The following PRKG1 variants were observed in gnomAD, a reference collection of about 807,000 sequenced individuals.
The protein encoded by PRKG1 is protein kinase cGMP-dependent 1.
PRKG1 carries 35 observed loss-of-function variants against 88.1 expected under a neutral mutation model. The ratio of observed to expected loss-of-function variants is 0.40; its 90% confidence interval spans 0.30 to 0.53. The LOEUF (loss-of-function observed/expected upper bound fraction) is 0.53. Among genes scored for constraint, PRKG1 ranks in the 20% least tolerant of loss-of-function variants. PRKG1 has a pLI of 0.59. For missense variants in PRKG1, 540 were observed against 839.8 expected, an observed-to-expected ratio of 0.64 and a Z score of 4.41; for synonymous variants, 303 against 292.5, an observed-to-expected ratio of 1.04 and a Z score of -0.37.
chr10:52,227,487 T>TA (rs1840416557), intron 9 of PRKG1, among the ~76,000 whole-genome samples: 1 of 152,150 alleles, frequency 6.6e-6, no homozygotes, highest in Non-Finnish European at 1.5e-5. Context: ...ATTTACATTG[T>TA]ATCTGTTATT....
At chr10:51,974,876 A>G (rs1209854330) in intron 5 of PRKG1, among the ~76,000 whole-genome samples, 1 of 152,124 alleles carries the variant, frequency 6.6e-6, no homozygotes, top group African/African-American at 2.4e-5. Context: ...AAAAGTCAGT[A>G]CAGTAGCTTA....
At chr10:51,388,715 G>A (rs1444398) in intron 2 of PRKG1, among the ~76,000 whole-genome samples, 85,899 of 152,004 alleles carry the variant, frequency 0.57, 25,144 homozygotes, top group Middle Eastern at 0.68. Flanking sequence ...AAAACAAATT[G>A]TCTAGGAAAG....
intron 2 of PRKG1, among the ~76,000 whole-genome samples, chr10:51,155,706 G>C (rs1426879657): frequency 6.6e-6 from 1 of 151,902 alleles, no homozygotes; most frequent in Admixed American, 6.6e-5. Context: ...TACAGGGTAA[G>C]GCCCATTGAT....
intron 4 of PRKG1, among the ~76,000 whole-genome samples, chr10:51,895,528 T>C (rs1841822564): frequency 6.6e-6 from 1 of 152,100 alleles, no homozygotes; most frequent in Admixed American, 6.6e-5. Flanking sequence ...TTTCTGTGTG[T>C]TTGGAGTGGA....
intron 12 of PRKG1, among the ~76,000 whole-genome samples, chr10:52,272,748 G>A (rs1267508550): frequency 6.6e-6 from 1 of 151,440 alleles, no homozygotes; most frequent in Non-Finnish European, 1.5e-5. Context: ...CCTTAGTTTT[G>A]CATGAATGTT....
At chr10:51,350,858 T>C (rs935580662) in intron 2 of PRKG1, among the ~76,000 whole-genome samples, 4 of 152,112 alleles carry the variant, frequency 2.6e-5, no homozygotes, top group African/African-American at 9.7e-5. Context: ...GGTGGTTTGG[T>C]GCACCCATCA....
At chr10:51,783,994 C>T (rs1367075539) in intron 3 of PRKG1, among the ~76,000 whole-genome samples, 1 of 152,080 alleles carries the variant, frequency 6.6e-6, no homozygotes, top group Non-Finnish European at 1.5e-5. Flanking sequence ...TGCCCTCTTG[C>T]CATCTTGGTT....
rs752412264 is a variant in PRKG1 at position 51,578,980 on chromosome 10, G to GTTTTTTTTTTT, written c.592+111162_592+111172dup. ...GAAGAGTTTGGAATAAGTTCTGTTGGTTTTTTTTTTTTTTTTTTTTTTTTT... is the reference window on the plus strand; with the variant it reads ...GAAGAGTTTGGAATAAGTTCTGTTGGTTTTTTTTTTTTTTTTTTTTTTTTTTTTTTTTTTTT... On this transcript the variant is annotated intron_variant, in intron 3 of 17. Transcript: ENST00000373980. 1.3e-4 allele frequency among the ~76,000 whole-genome samples: 10 copies of GTTTTTTTTTTT among 77,832 alleles called. 1 individual carries two copies. Among genetic ancestry groups the GTTTTTTTTTTT allele is most frequent in the South Asian group, 5.1e-4 (1 of 1,974 alleles). The allele number at this position is 77,832 out of a possible 152,430, so 51.1% of individuals were successfully genotyped here. A position where few individuals can be genotyped will look rare whatever the true frequency, so the allele number is the denominator to read the frequency against.
chr10:51,728,088 C>A (rs957130653), intron 3 of PRKG1, among the ~76,000 whole-genome samples: 5 of 152,052 alleles, frequency 3.3e-5, no homozygotes, highest in Non-Finnish European at 5.9e-5. Context: ...AAAGGTCATG[C>A]GCACAGAAGA....
rs1841183172 is a variant in PRKG1, at chr10:51,693,008, CA to C, written c.593-111576del. 2.0e-5 allele frequency among the ~76,000 whole-genome samples: 3 copies of C among 151,816 alleles called. No homozygotes were observed. In the South Asian group the frequency reaches 6.2e-4, roughly 31 times the overall value. On this transcript the variant is annotated intron_variant, in intron 3 of 17. Transcript: ENST00000373980. The stretch of plus-strand genomic sequence containing the variant: ...GTTATAAAGGGTTGTTATTAAATGC[CA>C]GGTGTGGTGGCTCACACCTCTAATC...
intron 1 of PRKG1, among the ~76,000 whole-genome samples, chr10:51,079,553 A>G (rs1006121168): frequency 5.9e-5 from 9 of 152,198 alleles, no homozygotes; most frequent in African/African-American, 2.2e-4. Context: ...TGGCTGTGCT[A>G]AAGTACTGTA....
At chr10:52,076,322 C>G (rs1451074319) in intron 7 of PRKG1, among the ~76,000 whole-genome samples, 1 of 152,198 alleles carries the variant, frequency 6.6e-6, no homozygotes, top group African/African-American at 2.4e-5. Context: ...TTTGGAAGGC[C>G]GAGGCAGGCC....
chr10:51,188,016 C>T (rs1405702445), intron 2 of PRKG1, among the ~76,000 whole-genome samples: 1 of 151,940 alleles, frequency 6.6e-6, no homozygotes, highest in African/African-American at 2.4e-5. Flanking sequence ...TGTTTCTGTC[C>T]TCTGTTGCTC....
intron 3 of PRKG1, among the ~76,000 whole-genome samples, chr10:51,571,885 A>G (rs182480293): frequency 6.6e-6 from 1 of 151,894 alleles, no homozygotes; most frequent in East Asian, 1.9e-4. Context: ...CTTGGCATAT[A>G]TTGCAAGCCC....
intron 1 of PRKG1, among the ~76,000 whole-genome samples, chr10:51,007,561 A>C (rs979093820): frequency 2.6e-5 from 4 of 152,184 alleles, no homozygotes; most frequent in African/African-American, 9.7e-5. Flanking sequence ...AAAGGCTAAG[A>C]GCATGGACTG....
intron 10 of PRKG1, among the ~76,000 whole-genome samples, chr10:52,267,276 C>G (rs1301801830): frequency 4.0e-5 from 6 of 151,874 alleles, no homozygotes; most frequent in Admixed American, 3.9e-4. Flanking sequence ...TGTGGCCAGC[C>G]CTGTAAGAAG....
intron 2 of PRKG1, among the ~76,000 whole-genome samples, chr10:51,180,522 T>A (rs1465238386): frequency 6.6e-6 from 1 of 152,220 alleles, no homozygotes; most frequent in Non-Finnish European, 1.5e-5. Context: ...TGAACATATA[T>A]GAAAATGTAA....
At chr10:51,046,365 T>C (rs1227337007) in intron 1 of PRKG1, among the ~76,000 whole-genome samples, 1 of 152,192 alleles carries the variant, frequency 6.6e-6, no homozygotes, top group Non-Finnish European at 1.5e-5. Flanking sequence ...AGATACATTC[T>C]GGGTGGAATC....
At chr10:51,590,069 T>C (rs1341464042) in intron 3 of PRKG1, among the ~76,000 whole-genome samples, 1 of 152,218 alleles carries the variant, frequency 6.6e-6, no homozygotes, top group African/African-American at 2.4e-5. Context: ...TGTGTTTGTG[T>C]GTTTAACAAG....
Sources: gnomAD v4.1 joint callset for allele counts (sites outside exome capture counted in the v4.1 genomes callset) on GRCh38, gnomAD v4.1.1 for gene constraint, MANE v1.5 for transcripts, NCBI Gene and HGNC (gene_info 2026-07-23, HGNC 2026-07-21) for gene names.